Variants in CACNB2 observed in about 807,000 individuals in gnomAD.
CACNB2 encodes the protein calcium voltage-gated channel auxiliary subunit beta 2.
A neutral mutation model predicts 73.3 loss-of-function variants in CACNB2; 42 were observed. The ratio of observed to expected loss-of-function variants is 0.57; its 90% CI spans 0.45 to 0.74. The LOEUF is 0.74. Among genes scored for constraint, CACNB2 ranks in the 30% least tolerant of loss-of-function variants. The pLI is 0.00. For synonymous variants in CACNB2, 348 were observed against 310.3 expected (o/e 1.12, Z -1.28); for missense variants, 940 against 853.0 (o/e 1.10, Z -1.27).
chr10:18,140,927 G>C, intron 1 of CACNB2, 71 bp downstream of exon 1: 1 of 1,543,402 alleles, frequency 6.5e-7, no homozygotes, highest in Non-Finnish European at 8.7e-7. Context: ...GGGTTCTCCC[G>C]GCGCCTCCAC....
At chr10:18,166,142 C>T (rs11012848) in intron 2 of CACNB2, among the ~76,000 whole-genome samples, 55,630 of 151,896 alleles carry the variant, frequency 0.37, 10,493 homozygotes, top group African/African-American at 0.44. Flanking sequence ...TGTAAACTAA[C>T]GTTATTATTA....
At chr10:18,228,287 G>A (rs116898814) in intron 2 of CACNB2, among the ~76,000 whole-genome samples, 2,214 of 151,744 alleles carry the variant, frequency 0.015, 40 homozygotes, top group East Asian at 0.093. Context: ...AAAGTTAGCC[G>A]GATGTGGTGG....
intron 3 of CACNB2, among the ~76,000 whole-genome samples, chr10:18,449,776 G>A (rs1000615622): frequency 2.6e-5 from 4 of 152,372 alleles, no homozygotes; most frequent in African/African-American, 9.6e-5. Flanking sequence ...GGAACCCGGA[G>A]CATATCCCAG....
chr10:18,343,996 T>G (rs11592650), intron 2 of CACNB2, among the ~76,000 whole-genome samples: 23,411 of 151,370 alleles, frequency 0.15, 1,976 homozygotes, highest in Middle Eastern at 0.23. Flanking sequence ...TGAAGTATTC[T>G]AAGAAGGCTA....
At chr10:18,509,437 G>A (rs975060037) in intron 6 of CACNB2, among the ~76,000 whole-genome samples, 1 of 152,008 alleles carries the variant, frequency 6.6e-6, no homozygotes, top group African/African-American at 2.4e-5. Context: ...CCACACACAC[G>A]TGTGTACATA....
At chr10:18,235,075 G>A (rs1240229950) in intron 2 of CACNB2, among the ~76,000 whole-genome samples, 12 of 151,274 alleles carry the variant, frequency 7.9e-5, no homozygotes, top group South Asian at 4.2e-4. Flanking sequence ...CCCGGGAGGC[G>A]GAGCTTGCAG....
chr10:18,424,737 T>C (rs1418399868), intron 3 of CACNB2, among the ~76,000 whole-genome samples: 1 of 152,178 alleles, frequency 6.6e-6, no homozygotes, highest in Non-Finnish European at 1.5e-5. Context: ...ATCAAGGTGT[T>C]CTTTTGAGAC....
chr10:18,420,664 C>A (rs1185792283), intron 3 of CACNB2, among the ~76,000 whole-genome samples: 1 of 152,194 alleles, frequency 6.6e-6, no homozygotes, highest in African/African-American at 2.4e-5. Flanking sequence ...ACCCCAAACA[C>A]CCTCACAGAC....
chr10:18,393,333 A>G (rs1252100342), intron 2 of CACNB2, among the ~76,000 whole-genome samples: 1 of 152,202 alleles, frequency 6.6e-6, no homozygotes, highest in African/African-American at 2.4e-5. Flanking sequence ...CTGAAATCCA[A>G]AACTCAAAAT....
chr10:18,480,527 T>C (rs2048670212), intron 3 of CACNB2, among the ~76,000 whole-genome samples: 1 of 152,254 alleles, frequency 6.6e-6, no homozygotes, highest in South Asian at 2.1e-4. Flanking sequence ...CTCTGTCTTG[T>C]TGAGTTCTGT....
chr10:18,212,679 G>A (rs144957614), intron 2 of CACNB2, among the ~76,000 whole-genome samples: 1 of 151,960 alleles, frequency 6.6e-6, no homozygotes, highest in Non-Finnish European at 1.5e-5. Context: ...ATTATTCCAG[G>A]GTCGTTTATA....
chr10:18,248,355 G>A (rs2036948932), intron 2 of CACNB2, among the ~76,000 whole-genome samples: 1 of 152,108 alleles, frequency 6.6e-6, no homozygotes, highest in Admixed American at 6.5e-5. Context: ...TAAGAATAAT[G>A]GAATACTTCT....
chr10:18,463,680 C>A (rs1464106303), intron 3 of CACNB2, among the ~76,000 whole-genome samples: 1 of 151,948 alleles, frequency 6.6e-6, no homozygotes, highest in Non-Finnish European at 1.5e-5. Context: ...GTAGTCTGCC[C>A]ACCCTGGCCT....
intron 2 of CACNB2, among the ~76,000 whole-genome samples, chr10:18,371,440 G>A (rs967325365): frequency 1.3e-5 from 2 of 152,032 alleles, no homozygotes; most frequent in African/African-American, 4.8e-5. Context: ...TCCCACCTAT[G>A]AGTGAGAACA....
Position 18,325,475 on chromosome 10 carries a change from C to G in CACNB2, c.214-76449C>G, listed in dbSNP as rs138780992. Reference sequence around the variant, plus strand: ...CTCCCAAAGTTGCTGGTGTTACAGGCTTGAGCCACCACACCCAGATGAAAC... The same window carrying G: ...CTCCCAAAGTTGCTGGTGTTACAGGGTTGAGCCACCACACCCAGATGAAAC... On this transcript the variant is annotated intron_variant, in intron 2 of 13. Transcript: ENST00000324631. Among the ~76,000 whole-genome samples the G allele has an allele frequency of 3.8e-3, 580 of 152,166 alleles. 3 individuals carry two copies. Among genetic ancestry groups the G allele is most frequent in the African/African-American group, 0.014 (565 of 41,512 alleles).
intron 2 of CACNB2, among the ~76,000 whole-genome samples, chr10:18,301,882 C>T (rs1242804210): frequency 6.6e-6 from 1 of 151,890 alleles, no homozygotes; most frequent in Non-Finnish European, 1.5e-5. Context: ...CTCCTGACCT[C>T]GTGATCCTCC....
chr10:18,345,071 T>G (rs2041393493), intron 2 of CACNB2, among the ~76,000 whole-genome samples: 1 of 152,224 alleles, frequency 6.6e-6, no homozygotes, highest in Admixed American at 6.5e-5. Context: ...TGGTCATTTA[T>G]TTTTGGACTT....
At chr10:18,220,040 T>C (rs2035669835) in intron 2 of CACNB2, among the ~76,000 whole-genome samples, 1 of 146,534 alleles carries the variant, frequency 6.8e-6, no homozygotes, top group South Asian at 2.2e-4. Context: ...ATGCTGGGAT[T>C]ACAGGTATGA....
At chr10:18,355,802 A>AT (rs1166248793) in intron 2 of CACNB2, among the ~76,000 whole-genome samples, 12 of 151,366 alleles carry the variant, frequency 7.9e-5, no homozygotes, top group South Asian at 2.1e-4. Flanking sequence ...CGCCTGCCTC[A>AT]TTTTTTTGTA....
Sources: gnomAD v4.1 joint callset for allele counts (sites outside exome capture counted in the v4.1 genomes callset) on GRCh38, gnomAD v4.1.1 for gene constraint, MANE v1.5 for transcripts, NCBI Gene and HGNC (gene_info 2026-07-23, HGNC 2026-07-21) for gene names.